The following CACNA1E variants were observed in gnomAD, a reference collection of about 807,000 sequenced individuals.
CACNA1E encodes the protein voltage-dependent R-type calcium channel subunit alpha-1E.
In CACNA1E, 40 loss-of-function variants were observed where a neutral mutation model predicts 259.2. That is an observed-to-expected ratio of 0.15 (90% CI 0.12 to 0.20). The LOEUF (loss-of-function observed/expected upper bound fraction) is 0.20, where lower values mean the gene tolerates loss of function less well. Among genes scored for constraint, CACNA1E ranks in the 10% least tolerant of loss-of-function variants. The pLI is 1.00. For missense variants in CACNA1E, 1,874 were observed against 3,040.1 expected, an observed-to-expected ratio of 0.62 and a Z score of 9.02; for synonymous variants, 1,104 against 1,138.5, an observed-to-expected ratio of 0.97 and a Z score of 0.61.
At position 181,603,614 on chromosome 1, in the gene CACNA1E, AT is replaced by A. The variant is rs563783721; in HGVS notation, c.951+22847del. Among the ~76,000 whole-genome samples, 23 of 147,418 alleles carry A rather than the reference AT, an allele frequency of 1.6e-4. No homozygotes were observed. The South Asian group carries it at 1.7e-3, about 11-fold the overall frequency. ...TACCCGGAGACTTTGCTCGTGACAC[AT>A]TTTTTTTTCCCCATAGGAGAGAATG... On this transcript the variant is annotated intron_variant, in intron 6 of 47. Coordinates refer to ENST00000367573, the MANE Select transcript of CACNA1E (RefSeq NM_001205293.3).
At chr1:181,515,212 G>A (rs1190492340) in intron 3 of CACNA1E, among the ~76,000 whole-genome samples, 1 of 152,170 alleles carries the variant, frequency 6.6e-6, no homozygotes, top group Non-Finnish European at 1.5e-5. Context: ...ACTCTCAAAG[G>A]TGGGGCTTCA....
At chr1:181,755,593 A>AG in intron 28 of CACNA1E, among the ~76,000 whole-genome samples, 196 bp downstream of exon 28, 1 of 152,336 alleles carries the variant, frequency 6.6e-6, no homozygotes, top group South Asian at 2.1e-4. Context: ...TGAGTGTAAA[A>AG]TATCTCGTAC....
intron 43 of CACNA1E, among the ~76,000 whole-genome samples, chr1:181,786,818 C>T (rs80260757): frequency 2.0e-5 from 3 of 152,268 alleles, no homozygotes; most frequent in East Asian, 1.9e-4. Context: ...AGACTTCTGT[C>T]GGAGTCATTT....
chr1:181,453,720 A>T (rs936165582), intron 2 of CACNA1E, among the ~76,000 whole-genome samples: 1 of 152,212 alleles, frequency 6.6e-6, no homozygotes, highest in African/African-American at 2.4e-5. Context: ...TCTAGCAAGG[A>T]GAGCTGACCC....
chr1:181,684,876 C>CTTTT (rs34538225), intron 7 of CACNA1E, among the ~76,000 whole-genome samples: 7 of 135,136 alleles, frequency 5.2e-5, no homozygotes, highest in African/African-American at 1.7e-4. Context: ...TTTTTAAATC[C>CTTTT]TTTTTTTTTT....
intron 7 of CACNA1E, among the ~76,000 whole-genome samples, chr1:181,688,088 A>G (rs569622133): frequency 1.3e-5 from 2 of 152,308 alleles, no homozygotes; most frequent in Admixed American, 1.3e-4. Context: ...GGGACAAATG[A>G]AAATGAAATG....
At chr1:181,552,072 C>A (rs896188562) in intron 3 of CACNA1E, among the ~76,000 whole-genome samples, 1 of 152,140 alleles carries the variant, frequency 6.6e-6, no homozygotes, top group Non-Finnish European at 1.5e-5. Context: ...TTTCAAGACC[C>A]CTTGTTATTT....
chr1:181,418,762 C>G (rs1365780920), intron 2 of CACNA1E, among the ~76,000 whole-genome samples: 1 of 151,972 alleles, frequency 6.6e-6, no homozygotes, highest in African/African-American at 2.4e-5. Context: ...AGTGTCTCCC[C>G]CCTCAAAATG....
chr1:181,792,149 G>A (rs760116214), intron 44 of CACNA1E, among the ~76,000 whole-genome samples: 5 of 152,064 alleles, frequency 3.3e-5, no homozygotes, highest in African/African-American at 7.2e-5. Flanking sequence ...AAAAGACCTC[G>A]CAGCATTTTG....
At chr1:181,612,834 C>T (rs1447503333) in intron 6 of CACNA1E, among the ~76,000 whole-genome samples, 1 of 152,206 alleles carries the variant, frequency 6.6e-6, no homozygotes, top group Non-Finnish European at 1.5e-5. Flanking sequence ...ATCCTGAGGT[C>T]ATAAAGACAG....
In CACNA1E at chr1:181,484,005, T is replaced by C. The variant is rs2102469769; in HGVS notation, c.261T>C (p.Asp87=). 6.2e-7 allele frequency: 1 copy of C among 1,613,644 alleles called. No homozygotes were observed. Among genetic ancestry groups the C allele is most frequent in the South Asian group, 1.1e-5 (1 of 91,058 alleles). The change falls in exon 1 of 48, where the codon GAT becomes GAC. Residue 87 remains aspartate, a synonymous_variant. Coordinates refer to ENST00000367573, the MANE Select transcript of CACNA1E (RefSeq NM_001205293.3). ...GGAAATATGCCAAGAAGCTCATCGATTGGCCATATCCTTTCTTGCCCACCA... is the reference window on the plus strand; with the variant it reads ...GGAAATATGCCAAGAAGCTCATCGACTGGCCATATCCTTTCTTGCCCACCA... ...IVRKYAKKLI[D]WPPFEYMILA...
intron 4 of CACNA1E, among the ~76,000 whole-genome samples, chr1:181,578,240 G>A (rs1049365273): frequency 2.3e-4 from 35 of 152,162 alleles, no homozygotes; most frequent in African/African-American, 8.2e-4. Context: ...CCTGAAATAA[G>A]TATTTTATTT....
intron 2 of CACNA1E, among the ~76,000 whole-genome samples, chr1:181,431,259 G>T (rs1659695704): frequency 6.6e-6 from 1 of 152,220 alleles, no homozygotes; most frequent in Non-Finnish European, 1.5e-5. Flanking sequence ...GTGGCAGTGT[G>T]TATGCTGTCT....
chr1:181,805,507 A>G lies in CACNA1E; in HGVS notation c.*6673A>G, dbSNP rs1662568837. 6.6e-6 allele frequency: 1 copy of G among 152,252 alleles called. No homozygotes were observed. The allele number at this position is 152,252 out of a possible 1,614,324, so 9.4% of individuals were successfully genotyped here. On this transcript the variant is annotated 3_prime_UTR_variant, in exon 48 of 48. Coordinates refer to ENST00000367573, the MANE Select transcript of CACNA1E (RefSeq NM_001205293.3). ...TAAGGTAGACAGTAGTTGTGGTCTT[A>G]GTTACATTTGATATGGAGTTGTGTA...
intron 6 of CACNA1E, among the ~76,000 whole-genome samples, chr1:181,636,229 G>T (rs977272251): frequency 6.6e-6 from 1 of 151,978 alleles, no homozygotes; most frequent in Non-Finnish European, 1.5e-5. Flanking sequence ...AGAGTGCTGC[G>T]GTCAGACTGC....
At chr1:181,635,472 T>A (rs73059740) in intron 6 of CACNA1E, among the ~76,000 whole-genome samples, 4,330 of 151,874 alleles carry the variant, frequency 0.029, 185 homozygotes, top group African/African-American at 0.095. Context: ...CCTTCCCCAG[T>A]TCTCTCTCTC....
At chr1:181,765,392 A>C (rs1658932210) in intron 34 of CACNA1E, among the ~76,000 whole-genome samples, 1 of 152,060 alleles carries the variant, frequency 6.6e-6, no homozygotes, top group Non-Finnish European at 1.5e-5. Flanking sequence ...GGCACAAGAA[A>C]CCCTGTCCTT....
intron 38 of CACNA1E, among the ~76,000 whole-genome samples, chr1:181,780,754 T>C (rs536160105): frequency 6.6e-6 from 1 of 152,312 alleles, no homozygotes; most frequent in African/African-American, 2.4e-5. Flanking sequence ...TGCTGGGGAA[T>C]AAAGAGCAGT....
chr1:181,644,349 C>G (rs985968632), intron 6 of CACNA1E, among the ~76,000 whole-genome samples: 3 of 152,192 alleles, frequency 2.0e-5, no homozygotes, highest in African/African-American at 7.2e-5. Flanking sequence ...CCTTGGGGCT[C>G]AGTTTCCTCT....
Sources: gnomAD v4.1 joint callset for allele counts (sites outside exome capture counted in the v4.1 genomes callset) on GRCh38, gnomAD v4.1.1 for gene constraint, MANE v1.5 for transcripts, NCBI Gene and HGNC (gene_info 2026-07-23, HGNC 2026-07-21) for gene names.